Variants in CDKAL1 observed in about 807,000 individuals in gnomAD.
The protein encoded by CDKAL1 is CDKAL1 threonylcarbamoyladenosine tRNA methylthiotransferase.
A neutral mutation model predicts 68.2 loss-of-function variants in CDKAL1; 32 were observed. The observed-to-expected ratio is 0.47, with a 90% CI of 0.35 to 0.63. The LOEUF (loss-of-function observed/expected upper bound fraction) is 0.63, where lower values mean the gene tolerates loss of function less well. Among genes scored for constraint, CDKAL1 ranks in the 30% least tolerant of loss-of-function variants. CDKAL1 has a pLI of 0.00. For missense variants in CDKAL1, 606 were observed against 696.7 expected, an observed-to-expected ratio of 0.87 and a Z score of 1.47; for synonymous variants, 234 against 244.3, an observed-to-expected ratio of 0.96 and a Z score of 0.39.
At chr6:21,198,486 C>T (rs1778558843) in intron 14 of CDKAL1, among the ~76,000 whole-genome samples, 1 of 152,174 alleles carries the variant, frequency 6.6e-6, no homozygotes, top group South Asian at 2.1e-4. Flanking sequence ...GCAGGGATTT[C>T]CTCTCGCTGG....
intron 12 of CDKAL1, among the ~76,000 whole-genome samples, chr6:21,077,141 T>C (rs988782202): frequency 6.4e-4 from 97 of 152,308 alleles, no homozygotes; most frequent in African/African-American, 2.3e-3. Flanking sequence ...AACCTATATA[T>C]ATAGAAAGAT....
intron 9 of CDKAL1, among the ~76,000 whole-genome samples, chr6:20,913,530 A>G (rs1762571673): frequency 6.6e-6 from 1 of 152,214 alleles, no homozygotes; most frequent in Non-Finnish European, 1.5e-5. Flanking sequence ...GCTCTGTGGA[A>G]AACACACCCC....
At chr6:20,981,778 T>G (rs1229984663) in intron 10 of CDKAL1, among the ~76,000 whole-genome samples, 2 of 152,112 alleles carry the variant, frequency 1.3e-5, no homozygotes, top group Admixed American at 1.3e-4. Flanking sequence ...GAGGCAGAGG[T>G]TGCAGTGAGC....
chr6:20,996,200 C>T lies in CDKAL1; in HGVS notation c.910-4027C>T, dbSNP rs114191842. ...TGGCTGGTTTGATCATCTATCCAGA[C>T]GACTGAAACTTTCTCCATATCAGCA... On this transcript the variant is annotated intron_variant, in intron 10 of 15. Coordinates refer to ENST00000274695, the MANE Select transcript of CDKAL1 (RefSeq NM_017774.3). Among the ~76,000 whole-genome samples the T allele has an allele frequency of 8.3e-3, 1,268 of 152,336 alleles. 20 individuals are homozygous for T. Among genetic ancestry groups the T allele is most frequent in the African/African-American group, 0.029 (1,193 of 41,560 alleles).
chr6:20,563,477 G>A (rs956930324), intron 4 of CDKAL1, among the ~76,000 whole-genome samples: 2 of 152,038 alleles, frequency 1.3e-5, no homozygotes, highest in African/African-American at 2.4e-5. Flanking sequence ...TCATGTGCAA[G>A]CCATAAACAA....
chr6:21,079,087 C>G (rs979216927), intron 12 of CDKAL1, among the ~76,000 whole-genome samples: 1 of 152,026 alleles, frequency 6.6e-6, no homozygotes, highest in Non-Finnish European at 1.5e-5. Context: ...GGGACAGAAC[C>G]TGGGCACAAA....
chr6:20,903,469 T>C lies in CDKAL1; in HGVS notation c.743-51950T>C, dbSNP rs181587872. Among the ~76,000 whole-genome samples, 488 of 152,342 alleles carry C rather than the reference T, an allele frequency of 3.2e-3. 1 individual carries two copies. Among genetic ancestry groups the C allele is most frequent in the African/African-American group, 0.011 (460 of 41,582 alleles). On this transcript the variant is annotated intron_variant, in intron 9 of 15. Coordinates refer to ENST00000274695, the MANE Select transcript of CDKAL1 (RefSeq NM_017774.3). ...TTCAGCGATCTCGATGTTCCCTTTT[T>C]TAGCTTTGCTGCTTTCACAGTGCTC...
rs769533139 is a variant in CDKAL1, at chr6:21,065,078, T to C, written c.1086T>C (p.Ile362=). The C allele has an allele frequency of 6.3e-7, 1 of 1,598,214 alleles. No individual in the cohort carries two copies. The highest frequency in any genetic ancestry group is 1.7e-5 in the Admixed American group (1 of 57,874). Residue 362 remains isoleucine, a synonymous_variant, in exon 12 of 16, where the codon ATT becomes ATC. Transcript: ENST00000274695. The part of the protein sequence containing the change: ...KVPGITIATD[I]ICGFPGETDQ... ...CTGGAATAACTATTGCTACAGATATTATCTGTGGTTTTCCTGGAGAAACAG... is the reference window on the plus strand; with the variant it reads ...CTGGAATAACTATTGCTACAGATATCATCTGTGGTTTTCCTGGAGAAACAG...
At chr6:21,156,441 A>T (rs918813554) in intron 13 of CDKAL1, among the ~76,000 whole-genome samples, 2 of 151,512 alleles carry the variant, frequency 1.3e-5, no homozygotes, top group Admixed American at 1.3e-4. Flanking sequence ...AAAAAAAAAA[A>T]AGGAAAAATA....
intron 5 of CDKAL1, among the ~76,000 whole-genome samples, chr6:20,667,243 A>G (rs1769592317): frequency 6.6e-6 from 1 of 152,202 alleles, no homozygotes; most frequent in South Asian, 2.1e-4. Flanking sequence ...TTGAATGCCT[A>G]CTATGTGTTA....
At chr6:20,811,785 T>TAAA (rs370931927) in intron 8 of CDKAL1, among the ~76,000 whole-genome samples, 7 of 103,632 alleles carry the variant, frequency 6.8e-5, no homozygotes, top group Non-Finnish European at 4.1e-5. Flanking sequence ...TACCTAGTAG[T>TAAA]AAAAAAAAAA....
At chr6:20,992,312 G>A (rs1766872642) in intron 10 of CDKAL1, among the ~76,000 whole-genome samples, 1 of 151,718 alleles carries the variant, frequency 6.6e-6, no homozygotes, top group East Asian at 1.9e-4. Flanking sequence ...CTCAAGTGAT[G>A]TGCCTCAGCC....
At chr6:21,128,058 C>G (rs575423676) in intron 13 of CDKAL1, among the ~76,000 whole-genome samples, 2 of 152,308 alleles carry the variant, frequency 1.3e-5, no homozygotes, top group Non-Finnish European at 2.9e-5. Flanking sequence ...CACACGGTCC[C>G]TGACTTACAA....
chr6:21,118,043 A>C (rs915045546), intron 13 of CDKAL1, among the ~76,000 whole-genome samples: 1 of 152,208 alleles, frequency 6.6e-6, no homozygotes, highest in Non-Finnish European at 1.5e-5. Flanking sequence ...AGCAGGCACA[A>C]AGAAAATTAA....
chr6:20,828,134 CT>C (rs1481877185), intron 8 of CDKAL1, among the ~76,000 whole-genome samples: 1 of 152,028 alleles, frequency 6.6e-6, no homozygotes, highest in Non-Finnish European at 1.5e-5. Flanking sequence ...TTTTAATAAA[CT>C]TTTATTATAT....
chr6:21,100,653 T>C lies in CDKAL1; in HGVS notation c.1237-7748T>C, dbSNP rs146559003. On this transcript the variant is annotated intron_variant, in intron 12 of 15. Transcript: ENST00000274695. ...ATATGTGCCTTATGAAGGAAAAGCA[T>C]TTGAGATTTTGAAGAGTTTGCCTGT... Among the ~76,000 whole-genome samples the C allele has an allele frequency of 5.9e-4, 90 of 151,658 alleles. 1 individual carries two copies. The highest frequency in any genetic ancestry group is 2.0e-3 in the African/African-American group (84 of 41,280).
At chr6:20,599,000 T>C (rs1239232012) in intron 4 of CDKAL1, among the ~76,000 whole-genome samples, 1 of 152,070 alleles carries the variant, frequency 6.6e-6, no homozygotes, top group Non-Finnish European at 1.5e-5. Flanking sequence ...GGTGTATTGT[T>C]ATATCATTTT....
intron 5 of CDKAL1, among the ~76,000 whole-genome samples, chr6:20,669,197 C>T (rs926244804): frequency 1.3e-5 from 2 of 152,094 alleles, no homozygotes; most frequent in East Asian, 1.9e-4. Context: ...ATGCTCTCAC[C>T]ATTATAATTT....
intron 13 of CDKAL1, 71 bp downstream of exon 13, chr6:21,108,534 C>A: frequency 3.2e-6 from 3 of 949,540 alleles, no homozygotes; most frequent in Non-Finnish European, 4.8e-6. Context: ...TTTTCACCAA[C>A]ATATGGTGAT....
Sources: allele counts gnomAD v4.1 joint callset (sites outside exome capture counted in the v4.1 genomes callset), GRCh38; gene constraint gnomAD v4.1.1; transcripts MANE v1.5; gene names NCBI Gene and HGNC (gene_info 2026-07-23, HGNC 2026-07-21).